Variants in KCNQ5 observed in about 807,000 individuals in gnomAD.
The protein encoded by KCNQ5 is potassium voltage-gated channel subfamily Q member 5, also known as potassium voltage-gated channel subfamily KQT member 5.
KCNQ5 carries 30 observed loss-of-function variants against 98.2 expected under a neutral mutation model. The observed-to-expected ratio is 0.31, with a 90% CI of 0.23 to 0.41. The LOEUF is 0.41. KCNQ5 is among the 10% of genes least tolerant of loss of function. The probability of loss-of-function intolerance (pLI) is 1.00; values close to 1 mark genes in which losing one functional copy is unlikely to be tolerated. For missense variants in KCNQ5, 835 were observed against 1,182.5 expected (o/e 0.71, Z 4.31); for synonymous variants, 458 against 449.4 (o/e 1.02, Z -0.24).
At chr6:72,650,936 G>T (rs1441286700) in intron 1 of KCNQ5, among the ~76,000 whole-genome samples, 2 of 152,014 alleles carry the variant, frequency 1.3e-5, no homozygotes, top group Non-Finnish European at 2.9e-5. Context: ...TTTAAATTGG[G>T]TCGATTAAGG....
At chr6:72,775,926 A>G in intron 1 of KCNQ5, among the ~76,000 whole-genome samples, 1 of 152,180 alleles carries the variant, frequency 6.6e-6, no homozygotes, top group East Asian at 1.9e-4. Context: ...ATGGGATCCT[A>G]GAACAGAAAA....
chr6:73,189,067 A>C (rs1308592826), intron 11 of KCNQ5, among the ~76,000 whole-genome samples: 3 of 151,712 alleles, frequency 2.0e-5, no homozygotes, highest in Admixed American at 2.0e-4. Flanking sequence ...TATTTACATA[A>C]TTGCTCAGGA....
chr6:73,037,903 C>A (rs188657061), intron 2 of KCNQ5, among the ~76,000 whole-genome samples: 2 of 152,058 alleles, frequency 1.3e-5, no homozygotes, highest in Non-Finnish European at 2.9e-5. Context: ...GTATCTACCC[C>A]CCAAAAAAAA....
intron 1 of KCNQ5, among the ~76,000 whole-genome samples, chr6:72,806,535 A>G (rs1582326924): frequency 1.3e-5 from 2 of 152,190 alleles, no homozygotes. Flanking sequence ...CTGAAGAGAC[A>G]AAAAATAGCA....
chr6:73,020,417 G>C (rs1242482992), intron 2 of KCNQ5, among the ~76,000 whole-genome samples: 1 of 152,192 alleles, frequency 6.6e-6, no homozygotes, highest in Non-Finnish European at 1.5e-5. Flanking sequence ...ATAGGGCAAG[G>C]TTATGTAGGA....
chr6:72,902,336 T>C (rs551184156), intron 1 of KCNQ5, among the ~76,000 whole-genome samples: 8 of 152,216 alleles, frequency 5.3e-5, no homozygotes, highest in Non-Finnish European at 1.2e-4. Flanking sequence ...TCTTTATTTC[T>C]TTCTCTTGTC....
chr6:73,129,681 C>T, intron 9 of KCNQ5: 1 of 799,934 alleles, frequency 1.3e-6, no homozygotes, highest in Non-Finnish European at 2.0e-6. Context: ...CTGTGTACTT[C>T]TATATTAAAA....
chr6:72,949,935 C>CTA (rs1766721814), intron 1 of KCNQ5, among the ~76,000 whole-genome samples: 1 of 151,668 alleles, frequency 6.6e-6, no homozygotes, highest in Non-Finnish European at 1.5e-5. Context: ...TTTCAAAATG[C>CTA]TATACCCTCT....
chr6:73,077,703 T>G, intron 4 of KCNQ5, 59 bp from the exon 5 acceptor site: 2 of 1,502,492 alleles, frequency 1.3e-6, no homozygotes. Context: ...CATAGAATTC[T>G]TTTTTCCTTT....
At chr6:72,887,809 GA>G (rs960060117) in intron 1 of KCNQ5, among the ~76,000 whole-genome samples, 4 of 151,166 alleles carry the variant, frequency 2.6e-5, no homozygotes, top group African/African-American at 9.7e-5. Flanking sequence ...CTAAGAAGAG[GA>G]AAAAAAACCT....
chr6:72,694,161 T>C (rs1768360889), intron 1 of KCNQ5, among the ~76,000 whole-genome samples: 1 of 152,010 alleles, frequency 6.6e-6, no homozygotes, highest in Non-Finnish European at 1.5e-5. Context: ...ATATGGATCC[T>C]TTTTTTTCTA....
chr6:72,734,005 C>A (rs553184735), intron 1 of KCNQ5, among the ~76,000 whole-genome samples: 1 of 150,952 alleles, frequency 6.6e-6, no homozygotes, highest in East Asian at 1.9e-4. Flanking sequence ...GGATAAGGGA[C>A]AAGGAAGGAC....
intron 10 of KCNQ5, among the ~76,000 whole-genome samples, chr6:73,140,581 A>T (rs1264084228): frequency 6.6e-6 from 1 of 152,226 alleles, no homozygotes; most frequent in Non-Finnish European, 1.5e-5. Flanking sequence ...CATTCCTGTC[A>T]TCCTCTATTT....
intron 1 of KCNQ5, among the ~76,000 whole-genome samples, chr6:72,825,042 CTG>C (rs1374415213): frequency 6.6e-6 from 1 of 152,042 alleles, no homozygotes; most frequent in African/African-American, 2.4e-5. Flanking sequence ...TCAAGCTTCA[CTG>C]TCTTTGAGGA....
chr6:73,118,879 G>T (rs1271175199), intron 7 of KCNQ5, among the ~76,000 whole-genome samples: 1 of 152,150 alleles, frequency 6.6e-6, no homozygotes, highest in Non-Finnish European at 1.5e-5. Context: ...AAATTAGCTG[G>T]ATGTGGTGGT....
chr6:72,746,056 T>G (rs1771381255), intron 1 of KCNQ5, among the ~76,000 whole-genome samples: 1 of 100,688 alleles, frequency 9.9e-6, no homozygotes, highest in Non-Finnish European at 1.8e-5. Context: ...CCGCAAAGAC[T>G]CTATTTGCAA....
At chr6:72,686,583 T>C (rs1392396638) in intron 1 of KCNQ5, among the ~76,000 whole-genome samples, 1 of 152,170 alleles carries the variant, frequency 6.6e-6, no homozygotes, top group Non-Finnish European at 1.5e-5. Context: ...CAGTTTGTCT[T>C]GTGTCTTGAC....
intron 1 of KCNQ5, among the ~76,000 whole-genome samples, chr6:72,625,985 C>G (rs1265711566): frequency 1.3e-5 from 2 of 152,202 alleles, no homozygotes; most frequent in African/African-American, 4.8e-5. Flanking sequence ...CTTATCATAT[C>G]ATCCCCTTGC....
At chr6:73,007,467 C>T (rs186510759) in intron 2 of KCNQ5, among the ~76,000 whole-genome samples, 8 of 152,264 alleles carry the variant, frequency 5.3e-5, no homozygotes, top group Non-Finnish European at 1.0e-4. Flanking sequence ...GATTCTGTCT[C>T]CCCACCTAAA....
Sources: allele counts gnomAD v4.1 joint callset (sites outside exome capture counted in the v4.1 genomes callset), GRCh38; gene constraint gnomAD v4.1.1; transcripts MANE v1.5; gene names NCBI Gene and HGNC (gene_info 2026-07-23, HGNC 2026-07-21).